Variants in ANKS1B observed in about 807,000 individuals in gnomAD.
ANKS1B encodes ankyrin repeat and sterile alpha motif domain-containing protein 1B.
ANKS1B carries 36 observed loss-of-function variants against 148.3 expected under a neutral mutation model. The observed-to-expected ratio is 0.24, with a 90% confidence interval of 0.19 to 0.32. The LOEUF (loss-of-function observed/expected upper bound fraction) is 0.32, where lower values mean the gene tolerates loss of function less well. Among genes scored for constraint, ANKS1B ranks in the 10% least tolerant of loss-of-function variants. The probability of loss-of-function intolerance (pLI) is 1.00; values close to 1 mark genes in which losing one functional copy is unlikely to be tolerated. For synonymous variants in ANKS1B, 542 were observed against 560.8 expected (o/e 0.97, Z 0.47); for missense variants, 1,157 against 1,542.6 (o/e 0.75, Z 4.19).
chr12:99,645,485 C>T (rs117233886), intron 9 of ANKS1B, among the ~76,000 whole-genome samples: 2 of 152,000 alleles, frequency 1.3e-5, no homozygotes, highest in African/African-American at 4.8e-5. Context: ...AAAGATAGCT[C>T]AGGGGTCATC....
chr12:99,692,002 A>G (rs974595249), intron 8 of ANKS1B, among the ~76,000 whole-genome samples: 56 of 152,218 alleles, frequency 3.7e-4, no homozygotes, highest in Non-Finnish European at 5.1e-4. Context: ...AAGATAAAAA[A>G]TGGGATAAAT....
intron 8 of ANKS1B, among the ~76,000 whole-genome samples, chr12:99,713,259 G>A (rs187646983): frequency 9.2e-5 from 14 of 152,126 alleles, no homozygotes; most frequent in African/African-American, 2.4e-4. Context: ...ATCTAAAATC[G>A]TTCCAAGGCA....
At chr12:99,909,613 A>G (rs545538248) in intron 1 of ANKS1B, among the ~76,000 whole-genome samples, 2 of 152,238 alleles carry the variant, frequency 1.3e-5, no homozygotes, top group South Asian at 4.1e-4. Flanking sequence ...TTATGCCAGT[A>G]CCATACTATT....
chr12:99,285,423 A>G (rs2079001296), intron 12 of ANKS1B, among the ~76,000 whole-genome samples: 1 of 152,214 alleles, frequency 6.6e-6, no homozygotes, highest in Non-Finnish European at 1.5e-5. Context: ...TACTATGGAC[A>G]TTTGTATAAA....
chr12:98,759,940 A>G (rs1443405894), intron 25 of ANKS1B, among the ~76,000 whole-genome samples: 1 of 152,164 alleles, frequency 6.6e-6, no homozygotes, highest in Non-Finnish European at 1.5e-5. Context: ...AGGTCGCACC[A>G]CTGCATTCCA....
At chr12:99,434,469 C>G (rs1035451230) in intron 11 of ANKS1B, among the ~76,000 whole-genome samples, 7 of 151,884 alleles carry the variant, frequency 4.6e-5, no homozygotes, top group Admixed American at 1.3e-4. Context: ...ACAAGTTATC[C>G]TTACTAATAG....
intron 1 of ANKS1B, among the ~76,000 whole-genome samples, chr12:99,976,253 A>G (rs1317018788): frequency 6.6e-6 from 1 of 152,196 alleles, no homozygotes; most frequent in African/African-American, 2.4e-5. Context: ...CTCACTACCT[A>G]GGTGACAGGA....
intron 15 of ANKS1B, among the ~76,000 whole-genome samples, chr12:99,112,165 C>A (rs1170232198): frequency 6.6e-6 from 1 of 152,046 alleles, no homozygotes; most frequent in Non-Finnish European, 1.5e-5. Flanking sequence ...AAAAGCAACT[C>A]CACAGTGAAG....
At chr12:99,936,109 T>C (rs1019456259) in intron 1 of ANKS1B, among the ~76,000 whole-genome samples, 1 of 152,034 alleles carries the variant, frequency 6.6e-6, no homozygotes, top group Non-Finnish European at 1.5e-5. Flanking sequence ...CATGATCTGA[T>C]TACCTCCACC....
chr12:99,858,420 T>C (rs1029782218), intron 1 of ANKS1B, among the ~76,000 whole-genome samples: 1 of 152,150 alleles, frequency 6.6e-6, no homozygotes, highest in Non-Finnish European at 1.5e-5. Context: ...TTTTACACTG[T>C]TGGTGGGAAT....
intron 14 of ANKS1B, among the ~76,000 whole-genome samples, chr12:99,236,478 ACT>A (rs964175175): frequency 6.6e-6 from 1 of 152,066 alleles, no homozygotes; most frequent in Non-Finnish European, 1.5e-5. Flanking sequence ...GAATTGCCAC[ACT>A]CTAAGACCAT....
chr12:99,177,194 T>A (rs1043337413), intron 14 of ANKS1B, among the ~76,000 whole-genome samples: 1 of 152,186 alleles, frequency 6.6e-6, no homozygotes, highest in Non-Finnish European at 1.5e-5. Flanking sequence ...TAAACTCCTT[T>A]ACGAAAACGT....
chr12:98,908,741 T>G lies in ANKS1B; in HGVS notation c.2779-76605A>C, dbSNP rs534292993. Among the ~76,000 whole-genome samples the G allele has an allele frequency of 3.9e-5, 6 of 152,326 alleles. No homozygotes were observed. The South Asian group carries it at 1.2e-3, about 32-fold the overall frequency. On this transcript the variant is annotated intron_variant, in intron 17 of 26. Transcript: ENST00000683438. ...TATGACAAGGAGTAGTGTTTGTTCC[T>G]TGCCATTGTTCCCAAGAGGAAGGTG...
intron 17 of ANKS1B, among the ~76,000 whole-genome samples, chr12:99,019,784 C>A (rs997118690): frequency 2.0e-5 from 3 of 152,024 alleles, no homozygotes; most frequent in African/African-American, 7.2e-5. Context: ...TTTGAGAATT[C>A]AGGAATAAAA....
At chr12:98,906,646 AT>A (rs2099779496) in intron 17 of ANKS1B, among the ~76,000 whole-genome samples, 1 of 152,050 alleles carries the variant, frequency 6.6e-6, no homozygotes, top group Non-Finnish European at 1.5e-5. Context: ...AGGAACTATC[AT>A]TTTTCTCCCT....
intron 25 of ANKS1B, among the ~76,000 whole-genome samples, chr12:98,761,298 A>G (rs2098400673): frequency 6.6e-6 from 1 of 152,264 alleles, no homozygotes; most frequent in South Asian, 2.1e-4. Context: ...TGGTGAAGAC[A>G]TTATTACACA....
In ANKS1B at chr12:99,682,931, A is replaced by T. The variant is rs28866877; in HGVS notation, c.1129-27721T>A. Among the ~76,000 whole-genome samples, 213 of 150,256 alleles carry T rather than the reference A, an allele frequency of 1.4e-3. 1 individual carries two copies. Among genetic ancestry groups the T allele is most frequent in the African/African-American group, 4.8e-3 (198 of 41,344 alleles). Reference sequence around the variant, plus strand: ...GAGAATGGGTAATTTATTAAAAAATAAAAAAAAAGGTTTAATTGACTCACA... The same window carrying T: ...GAGAATGGGTAATTTATTAAAAAATTAAAAAAAAGGTTTAATTGACTCACA... On this transcript the variant is annotated intron_variant, in intron 8 of 26. Coordinates refer to ENST00000683438, the MANE Select transcript of ANKS1B (RefSeq NM_001352186.2).
intron 10 of ANKS1B, among the ~76,000 whole-genome samples, chr12:99,453,045 C>A (rs1344886641): frequency 6.6e-6 from 1 of 152,174 alleles, no homozygotes; most frequent in African/African-American, 2.4e-5. Flanking sequence ...AATCCTAGCA[C>A]TTTGGGAGGC....
chr12:99,830,140 G>C (rs1004960921), intron 1 of ANKS1B, among the ~76,000 whole-genome samples: 2 of 152,118 alleles, frequency 1.3e-5, no homozygotes, highest in Admixed American at 6.5e-5. Flanking sequence ...CAAGTTCTAA[G>C]TCCAAGAAAA....
Sources: allele counts gnomAD v4.1 joint callset (sites outside exome capture counted in the v4.1 genomes callset), GRCh38; gene constraint gnomAD v4.1.1; transcripts MANE v1.5; gene names NCBI Gene and HGNC (gene_info 2026-07-23, HGNC 2026-07-21).